The following BCO2 variants were observed in gnomAD, a reference collection of about 807,000 sequenced individuals.
The protein encoded by BCO2 is beta-carotene oxygenase 2, also known as carotenoid-cleaving dioxygenase, mitochondrial.
A neutral mutation model predicts 65.8 loss-of-function variants in BCO2; 56 were observed. The observed-to-expected ratio is 0.85, with a 90% CI of 0.69 to 1.06. The LOEUF is 1.06. Ranked by LOEUF, BCO2 falls within the 50% of genes least tolerant of loss-of-function variation. The pLI, the probability that BCO2 is intolerant of heterozygous loss-of-function variation, is 0.00. For synonymous variants in BCO2, 233 were observed against 242.3 expected, an observed-to-expected ratio of 0.96 and a Z score of 0.36; for missense variants, 675 against 698.5, an observed-to-expected ratio of 0.97 and a Z score of 0.38.
chr11:112,210,625 G>A (rs1859477554), intron 8 of BCO2, among the ~76,000 whole-genome samples: 1 of 152,140 alleles, frequency 6.6e-6, no homozygotes, highest in African/African-American at 2.4e-5. Context: ...GGGTAAGTGA[G>A]TTGCTATGGC....
rs1943837308 is a variant in BCO2, at chr11:112,199,915, AG to A, written c.865+89del. 8 of 1,475,306 alleles carry A rather than the reference AG, an allele frequency of 5.4e-6. No homozygotes were observed. The East Asian group carries it at 1.8e-4, about 33-fold the overall frequency. 91.4% of individuals were successfully genotyped at this position (1,475,306 alleles called of 1,614,324 possible). On this transcript the variant is annotated intron_variant, in intron 6 of 11. Transcript: ENST00000357685. The stretch of plus-strand genomic sequence containing the variant: ...CTAGTCTGGCAAATGTTATGTTAAT[AG>A]TTTATCACGCTATGGTGATAATGAG...
chr11:112,181,995 C>A (rs1412918668), intron 2 of BCO2: 4 of 433,740 alleles, frequency 9.2e-6, no homozygotes, highest in Non-Finnish European at 4.2e-6. Context: ...AGAACTTAAA[C>A]AAATTTACAA....
chr11:112,200,864 A>G, intron 7 of BCO2, 91 bp downstream of exon 7: 2 of 1,382,800 alleles, frequency 1.4e-6, no homozygotes, highest in Non-Finnish European at 2.0e-6. Context: ...TTCCCTGGTT[A>G]AAAGTGCATA....
chr11:112,185,315 T>C (rs1282622885), intron 2 of BCO2, among the ~76,000 whole-genome samples: 3 of 152,284 alleles, frequency 2.0e-5, no homozygotes, highest in Admixed American at 1.3e-4. Context: ...ATAAACGATA[T>C]AAAGTGTTGA....
At chr11:112,183,863 C>T (rs533422024) in intron 2 of BCO2, among the ~76,000 whole-genome samples, 29 of 152,340 alleles carry the variant, frequency 1.9e-4, no homozygotes, top group African/African-American at 6.7e-4. Flanking sequence ...TTGTACATCA[C>T]TGTCATTCCA....
chr11:112,213,755 G>A lies in BCO2; in HGVS notation c.1226G>A (p.Arg409Gln), dbSNP rs779386293. ...VHNSAAKSFP[R>Q]RFVLPLNVSL... ...AATTCAGCAGCCAAATCTTTCCCTC[G>A]AAGGTTTGTTTTGCCTTTAAATGTC... The change falls in exon 9 of 12, where the codon CGA becomes CAA. Residue 409 changes from arginine (R) to glutamine (Q), a missense_variant. Arg to Gln is a conservative substitution (Grantham distance 43). Coordinates refer to ENST00000357685, the MANE Select transcript of BCO2 (RefSeq NM_031938.7). 4.0e-5 allele frequency: 64 copies of A among 1,613,130 alleles called. 1 individual carries two copies. The Middle Eastern group carries it at 1.2e-3, about 29-fold the overall frequency.
At chr11:112,179,222 A>G in intron 1 of BCO2, 56 bp from the exon 2 acceptor site, 1 of 1,521,788 alleles carries the variant, frequency 6.6e-7, no homozygotes, top group Non-Finnish European at 9.1e-7. Flanking sequence ...GGAAACAGGC[A>G]AGTTTATAGA....
At chr11:112,185,772 T>C (rs1867182979) in intron 2 of BCO2, among the ~76,000 whole-genome samples, 1 of 152,244 alleles carries the variant, frequency 6.6e-6, no homozygotes, top group Non-Finnish European at 1.5e-5. Context: ...TGGTAAAATA[T>C]AGATAACATA....
At chr11:112,179,563 C>A in intron 2 of BCO2, 81 bp downstream of exon 2, 1 of 1,235,420 alleles carries the variant, frequency 8.1e-7, no homozygotes. Flanking sequence ...TCTGCTTCCT[C>A]TGTGAGGTTA....
chr11:112,215,021 T>C, intron 10 of BCO2, 77 bp downstream of exon 10: 1 of 1,397,310 alleles, frequency 7.2e-7, no homozygotes, highest in Non-Finnish European at 1.0e-6. Context: ...TTATTTAAAG[T>C]AGCTCTTAAG....
rs1296290983 is a variant in BCO2 at position 112,181,336 on chromosome 11, T to G, written c.293+1854T>G. ...AGCTGGGACTACAGGCGCCCGCCACTACGCCCGGCTAATTTTTTGTATTTT... is the reference window on the plus strand; with the variant it reads ...AGCTGGGACTACAGGCGCCCGCCACGACGCCCGGCTAATTTTTTGTATTTT... On this transcript the variant is annotated intron_variant, in intron 2 of 11. Transcript: ENST00000357685. 4.8e-5 allele frequency: 25 copies of G among 524,754 alleles called. No individual in the cohort carries two copies. In the East Asian group the frequency reaches 8.4e-4, roughly 18 times the overall value. 32.5% of individuals were successfully genotyped at this position (524,754 alleles called of 1,614,324 possible).
At chr11:112,205,204 T>A (rs1867837298) in intron 8 of BCO2, among the ~76,000 whole-genome samples, 1 of 152,196 alleles carries the variant, frequency 6.6e-6, no homozygotes, top group South Asian at 2.1e-4. Flanking sequence ...GTCATCTGTA[T>A]TTTTTATTTC....
intron 8 of BCO2, among the ~76,000 whole-genome samples, chr11:112,202,469 G>C (rs1867762250): frequency 6.6e-6 from 1 of 151,976 alleles, no homozygotes; most frequent in Non-Finnish European, 1.5e-5. Context: ...TTTTTGTAGA[G>C]ATGGGTTTCA....
chr11:112,186,947 A>G (rs1566772359), intron 2 of BCO2, among the ~76,000 whole-genome samples: 1 of 152,188 alleles, frequency 6.6e-6, no homozygotes, highest in Non-Finnish European at 1.5e-5. Flanking sequence ...CAGGATCCAT[A>G]GTCTAGGCTC....
Position 112,218,520 on chromosome 11 carries a change from G to T in BCO2, c.*646G>T. 1 of 277,172 alleles carries T rather than the reference G, an allele frequency of 3.6e-6. No individual in the cohort carries two copies. The highest frequency in any genetic ancestry group is 7.6e-6 in the Non-Finnish European group (1 of 131,706). 17.2% of individuals were successfully genotyped at this position (277,172 alleles called of 1,614,324 possible). On this transcript the variant is annotated 3_prime_UTR_variant, in exon 12 of 12. Transcript: ENST00000357685. ...ATGAGCCTATGTATGTCAAGTTGGT[G>T]GAGTCCCATGGTGCTGAACACCAAC...
intron 2 of BCO2, among the ~76,000 whole-genome samples, chr11:112,182,155 C>T (rs1449355524): frequency 6.6e-6 from 1 of 152,128 alleles, no homozygotes; most frequent in Non-Finnish European, 1.5e-5. Context: ...AATGAGATAC[C>T]ATCTCACACC....
chr11:112,192,978 CTTTTT>C (rs34728026), intron 2 of BCO2, among the ~76,000 whole-genome samples: 1 of 74,826 alleles, frequency 1.3e-5, no homozygotes, highest in Non-Finnish European at 2.3e-5. Flanking sequence ...GTAAATTATT[CTTTTT>C]TTTTTTTTTT....
chr11:112,180,901 T>C, intron 2 of BCO2: 1 of 1,088,906 alleles, frequency 9.2e-7, no homozygotes, highest in East Asian at 2.4e-5. Flanking sequence ...CCAGTGTGTA[T>C]AATGGGAAAG....
In BCO2 at chr11:112,218,037, G is replaced by A. The variant is rs1859737995; in HGVS notation, c.*163G>A. ...ATACTATGTTCCCTATTTGGGTGAT[G>A]GGTTCGTTAGAAGTCCAAACCTCAG... On this transcript the variant is annotated 3_prime_UTR_variant, in exon 12 of 12. Transcript: ENST00000357685. 5.4e-6 allele frequency: 3 copies of A among 555,500 alleles called. No homozygotes were observed. Among genetic ancestry groups the A allele is most frequent in the Middle Eastern group, 3.1e-4 (1 of 3,224 alleles). 34.4% of individuals were successfully genotyped at this position (555,500 alleles called of 1,614,324 possible).
Sources: gnomAD v4.1 joint callset for allele counts (sites outside exome capture counted in the v4.1 genomes callset) on GRCh38, gnomAD v4.1.1 for gene constraint, MANE v1.5 for transcripts, NCBI Gene and HGNC (gene_info 2026-07-23, HGNC 2026-07-21) for gene names.